PAWR: variants seen among roughly 807,000 people sequenced by gnomAD.
The protein encoded by PAWR is PRKC apoptosis WT1 regulator protein.
In PAWR, 23 loss-of-function variants were observed where a neutral mutation model predicts 32.0. That is an observed-to-expected ratio of 0.72 (90% CI 0.52 to 1.02). The LOEUF (loss-of-function observed/expected upper bound fraction) is 1.02, where lower values mean the gene tolerates loss of function less well. Among genes scored for constraint, PAWR ranks in the 50% least tolerant of loss-of-function variants. The probability of loss-of-function intolerance (pLI) is 0.00; values close to 1 mark genes in which losing one functional copy is unlikely to be tolerated. For synonymous variants in PAWR, 226 were observed against 187.1 expected (o/e 1.21, Z -1.70); for missense variants, 457 against 437.7 (o/e 1.04, Z -0.39).
At chr12:79,604,415 TTC>T in intron 4 of PAWR, 2 of 1,032,308 alleles carry the variant, frequency 1.9e-6, no homozygotes, top group Non-Finnish European at 2.3e-6. Context: ...TACACTATTA[TTC>T]TAAAACTATC....
chr12:79,690,054 G>A lies in PAWR; in HGVS notation c.191C>T (p.Ala64Val), dbSNP rs1878915688. ...GTTGTTGTTGAGCTCGTTGGCAGCG[G>A]CGGCCGCCGGGGTGCCCAGAGCCCC... ...PAGALGTPAA[A>V]AANELNNNLP... Residue 64 changes from alanine (A) to valine (V), a missense_variant, in exon 2 of 7, where the codon GCC (alanine) becomes GTC (valine). Physicochemically the swap from Ala to Val is moderately conservative, Grantham distance 64. Coordinates refer to ENST00000328827, the MANE Select transcript of PAWR (RefSeq NM_002583.4). 10 of 1,361,880 alleles carry A rather than the reference G, an allele frequency of 7.3e-6. No homozygotes were observed. The highest frequency in any genetic ancestry group is 2.6e-4 in the Middle Eastern group (1 of 3,842). The allele number at this position is 1,361,880 out of a possible 1,614,324, so 84.4% of individuals were successfully genotyped here. A position where few individuals can be genotyped will look rare whatever the true frequency, so the allele number is the denominator to read the frequency against.
chr12:79,621,719 T>C (rs1489393625), intron 2 of PAWR, among the ~76,000 whole-genome samples: 1 of 152,128 alleles, frequency 6.6e-6, no homozygotes, highest in Non-Finnish European at 1.5e-5. Context: ...AAAAATCTTG[T>C]AATTTAAAGA....
intron 2 of PAWR, among the ~76,000 whole-genome samples, chr12:79,682,329 T>C (rs1040268470): frequency 3.9e-5 from 6 of 152,162 alleles, no homozygotes; most frequent in African/African-American, 1.4e-4. Flanking sequence ...ACAGAATTTA[T>C]TATGAAGAGC....
At chr12:79,625,475 A>G (rs921976755) in intron 2 of PAWR, among the ~76,000 whole-genome samples, 1 of 152,216 alleles carries the variant, frequency 6.6e-6, no homozygotes, top group Non-Finnish European at 1.5e-5. Context: ...AATAAAGAGA[A>G]AATTTTAAAA....
In PAWR at chr12:79,690,212, G is replaced by A. The variant is rs1380641559; in HGVS notation, c.33C>T (p.Gly11=). MATGGYRTSS[G]LGGSTTDFLE... The stretch of plus-strand genomic sequence containing the variant: ...GGAAGTCTGTGGTGCTGCCGCCGAG[G>A]CCGCTGCTGGTCCGGTAGCCACCGG... Residue 11 remains glycine, a synonymous_variant, in exon 2 of 7, where the codon GGC becomes GGT. Transcript: ENST00000328827. The A allele has an allele frequency of 6.6e-7, 1 of 1,526,640 alleles. No individual in the cohort carries two copies. Among genetic ancestry groups the A allele is most frequent in the Non-Finnish European group, 8.8e-7 (1 of 1,141,272 alleles). The allele number at this position is 1,526,640 out of a possible 1,614,324, so 94.6% of individuals were successfully genotyped here.
Position 79,596,445 on chromosome 12 carries a change from C to T in PAWR, c.831+66G>A, listed in dbSNP as rs1352837399. 4 of 779,686 alleles carry T rather than the reference C, an allele frequency of 5.1e-6. No homozygotes were observed. The Admixed American group carries it at 1.1e-4, about 21-fold the overall frequency. The allele number at this position is 779,686 out of a possible 1,614,324, so 48.3% of individuals were successfully genotyped here. A position where few individuals can be genotyped will look rare whatever the true frequency, so the allele number is the denominator to read the frequency against. ...TATTATTTCCTTTCTCACTCAGTTGCTATGAAACAAAAGAATTCTAATGGT... is the reference window on the plus strand; with the variant it reads ...TATTATTTCCTTTCTCACTCAGTTGTTATGAAACAAAAGAATTCTAATGGT... On this transcript the variant is annotated intron_variant, in intron 5 of 6. Transcript: ENST00000328827.
Position 79,610,797 on chromosome 12 carries a change from G to GAA in PAWR, c.683+2776_683+2777dup, listed in dbSNP as rs538761570. On this transcript the variant is annotated intron_variant, in intron 4 of 6. Coordinates refer to ENST00000328827, the MANE Select transcript of PAWR (RefSeq NM_002583.4). ...AAAAAGAAAAAGAAAATTACACATT[G>GAA]AAAAAAAAAAACCCACAAATTGGTA... Among the ~76,000 whole-genome samples the GAA allele has an allele frequency of 3.2e-3, 425 of 134,404 alleles. 5 individuals carry two copies. The highest frequency in any genetic ancestry group is 0.011 in the African/African-American group (394 of 36,760). 88.2% of individuals were successfully genotyped at this position (134,404 alleles called of 152,430 possible).
In PAWR at chr12:79,590,682, T is replaced by G. The variant is rs1185998409; in HGVS notation, c.*1925A>C. Reference sequence around the variant, plus strand: ...GATGACGAACTAGGCAATAAGGACATGTGTGCCACATAACTAAGGGTAACT... The same window carrying G: ...GATGACGAACTAGGCAATAAGGACAGGTGTGCCACATAACTAAGGGTAACT... On this transcript the variant is annotated 3_prime_UTR_variant, in exon 7 of 7. Coordinates refer to ENST00000328827, the MANE Select transcript of PAWR (RefSeq NM_002583.4). The G allele has an allele frequency of 2.0e-5, 3 of 152,192 alleles. No homozygotes were observed. Among genetic ancestry groups the G allele is most frequent in the Admixed American group, 6.5e-5 (1 of 15,274 alleles). 9.4% of individuals were successfully genotyped at this position (152,192 alleles called of 1,614,324 possible). A position where few individuals can be genotyped will look rare whatever the true frequency, so the allele number is the denominator to read the frequency against.
chr12:79,602,150 G>C (rs1873986215), intron 4 of PAWR, among the ~76,000 whole-genome samples: 1 of 152,180 alleles, frequency 6.6e-6, no homozygotes, highest in African/African-American at 2.4e-5. Context: ...GACACCTTTA[G>C]TACCAAATGA....
chr12:79,616,121 T>G (rs532825557), intron 3 of PAWR, among the ~76,000 whole-genome samples: 1 of 152,202 alleles, frequency 6.6e-6, no homozygotes, highest in Non-Finnish European at 1.5e-5. Flanking sequence ...CATTAACATT[T>G]TACAAAGAGC....
chr12:79,662,374 C>T (rs1026103676), intron 2 of PAWR, among the ~76,000 whole-genome samples: 10 of 152,092 alleles, frequency 6.6e-5, no homozygotes, highest in African/African-American at 2.4e-4. Flanking sequence ...TGTATTCTAA[C>T]AACAAAATAA....
rs1337612418 is a variant in PAWR, at chr12:79,689,702, T to C, written c.516+27A>G. 8.5e-6 allele frequency: 13 copies of C among 1,532,470 alleles called. No homozygotes were observed. In the East Asian group the frequency reaches 1.5e-4, roughly 18 times the overall value. The allele number at this position is 1,532,470 out of a possible 1,614,324, so 94.9% of individuals were successfully genotyped here. A position where few individuals can be genotyped will look rare whatever the true frequency, so the allele number is the denominator to read the frequency against. ...GAGGCAGCTGCCCGCCCCGGCCCGG[T>C]CCGGCTGCGGCCCCCGCCCGGCTCA... On this transcript the variant is annotated intron_variant, in intron 2 of 6. Coordinates refer to ENST00000328827, the MANE Select transcript of PAWR (RefSeq NM_002583.4).
chr12:79,638,898 T>TA (rs1566013843), intron 2 of PAWR, among the ~76,000 whole-genome samples: 54 of 6,296 alleles, frequency 8.6e-3, no homozygotes, highest in Non-Finnish European at 0.01. Flanking sequence ...ATATATATAT[T>TA]TTTTTTTTTT....
chr12:79,615,115 G>A (rs1037551313), intron 3 of PAWR, among the ~76,000 whole-genome samples: 2 of 152,122 alleles, frequency 1.3e-5, no homozygotes, highest in African/African-American at 2.4e-5. Flanking sequence ...TGAATTTTCT[G>A]CATGGAATTT....
rs1036631070 is a variant in PAWR at position 79,602,865 on chromosome 12, T to C, written c.684-6207A>G. 3.3e-5 allele frequency among the ~76,000 whole-genome samples: 5 copies of C among 151,162 alleles called. No individual in the cohort carries two copies. In the Admixed American group the frequency reaches 3.3e-4, roughly 10 times the overall value. On this transcript the variant is annotated intron_variant, in intron 4 of 6. Coordinates refer to ENST00000328827, the MANE Select transcript of PAWR (RefSeq NM_002583.4). ...TGGATCTGGAGTCATCAGCATTATG[T>C]ATAGATAATAAGTGAAGTCATCGGA...
chr12:79,662,847 G>T (rs1877414933), intron 2 of PAWR, among the ~76,000 whole-genome samples: 1 of 152,148 alleles, frequency 6.6e-6, no homozygotes, highest in African/African-American at 2.4e-5. Flanking sequence ...AGAAAATGCT[G>T]TTTTTAAAGT....
chr12:79,640,976 C>T (rs981020771), intron 2 of PAWR, among the ~76,000 whole-genome samples: 6 of 152,096 alleles, frequency 3.9e-5, no homozygotes, highest in East Asian at 1.9e-4. Flanking sequence ...GTTACATTGG[C>T]GGTGGTTACA....
At chr12:79,656,981 A>G (rs754955352) in intron 2 of PAWR, among the ~76,000 whole-genome samples, 83 of 152,058 alleles carry the variant, frequency 5.5e-4, no homozygotes, top group Non-Finnish European at 9.4e-4. Flanking sequence ...TCTGAAGAGG[A>G]AAAAAACAGC....
chr12:79,613,421 T>C (rs1327307377), intron 4 of PAWR, among the ~76,000 whole-genome samples, 154 bp downstream of exon 4: 1 of 152,146 alleles, frequency 6.6e-6, no homozygotes, highest in Non-Finnish European at 1.5e-5. Flanking sequence ...CAGGCAGACA[T>C]GATACTCCTG....
Sources: allele counts gnomAD v4.1 joint callset (sites outside exome capture counted in the v4.1 genomes callset), GRCh38; gene constraint gnomAD v4.1.1; transcripts MANE v1.5; gene names NCBI Gene and HGNC (gene_info 2026-07-23, HGNC 2026-07-21).